TENT4B: variants seen among roughly 807,000 people sequenced by gnomAD.
TENT4B encodes PAP associated domain containing 5.
A neutral mutation model predicts 75.0 loss-of-function variants in TENT4B; 10 were observed. The observed-to-expected ratio is 0.13, with a 90% CI of 0.08 to 0.23. TENT4B has a LOEUF of 0.23. Among genes scored for constraint, TENT4B ranks in the 10% least tolerant of loss-of-function variants. The pLI, the probability that TENT4B is intolerant of heterozygous loss-of-function variation, is 1.00. For missense variants in TENT4B, 579 were observed against 893.8 expected (o/e 0.65, Z 4.49); for synonymous variants, 350 against 357.7 (o/e 0.98, Z 0.24).
chr16:50,167,735 G>T, intron 1 of TENT4B, among the ~76,000 whole-genome samples: 1 of 151,482 alleles, frequency 6.6e-6, no homozygotes, highest in South Asian at 2.1e-4. Flanking sequence ...TTGGCTTACT[G>T]CACCCTCTGC....
intron 1 of TENT4B, among the ~76,000 whole-genome samples, chr16:50,177,710 AT>A (rs1212886699): frequency 6.6e-6 from 1 of 151,170 alleles, no homozygotes; most frequent in East Asian, 1.9e-4. Flanking sequence ...TTCTCTATTA[AT>A]TTTGTTTTCA....
intron 1 of TENT4B, among the ~76,000 whole-genome samples, chr16:50,179,811 G>A (rs2038378006): frequency 6.6e-6 from 1 of 152,126 alleles, no homozygotes; most frequent in Non-Finnish European, 1.5e-5. Context: ...TCTGTAATGT[G>A]TCCTAGTGTG....
intron 5 of TENT4B, among the ~76,000 whole-genome samples, chr16:50,218,825 C>T (rs1053843401): frequency 2.6e-5 from 4 of 152,140 alleles, no homozygotes; most frequent in Non-Finnish European, 2.9e-5. Context: ...TAATTTGTCA[C>T]CATCATCTGT....
chr16:50,214,319 T>A, intron 3 of TENT4B, 52 bp downstream of exon 3: 7 of 1,411,448 alleles, frequency 5.0e-6, no homozygotes, highest in Non-Finnish European at 6.9e-6. Context: ...TGTATTCATT[T>A]TGGCTGTCAA....
chr16:50,164,395 C>T (rs191134812), intron 1 of TENT4B, among the ~76,000 whole-genome samples: 49 of 151,996 alleles, frequency 3.2e-4, no homozygotes, highest in African/African-American at 1.0e-3. Context: ...CTGCAAGCCC[C>T]GCCACCCAAG....
At position 50,223,252 on chromosome 16, in the gene TENT4B, C is replaced by T; in HGVS notation, c.1246C>T (p.Arg416Ter). 6.2e-7 allele frequency: 1 copy of T among 1,613,442 alleles called. No individual in the cohort carries two copies. Among genetic ancestry groups the T allele is most frequent in the Non-Finnish European group, 8.5e-7 (1 of 1,179,544 alleles). The change falls in exon 7 of 12, where the codon CGA (arginine) becomes TGA (stop). Residue 416 changes from arginine to a stop codon, truncating the protein, a stop_gained. Transcript: ENST00000561678. LOFTEE classifies it high-confidence loss of function. ...AATAGAATTTTTTGAATTATATGGACGACACTTCAATTATTTAAAGACTGG... is the reference window on the plus strand; with the variant it reads ...AATAGAATTTTTTGAATTATATGGATGACACTTCAATTATTTAAAGACTGG... ...LLIEFFELYG[R>*]HFNYLKTGIR...
intron 2 of TENT4B, among the ~76,000 whole-genome samples, chr16:50,211,747 C>T (rs1330997630): frequency 6.6e-6 from 1 of 152,068 alleles, no homozygotes. Context: ...AATCAAACCT[C>T]ATTGTTGTAG....
intron 2 of TENT4B, among the ~76,000 whole-genome samples, chr16:50,213,520 A>T (rs1414769540): frequency 6.6e-6 from 1 of 152,176 alleles, no homozygotes; most frequent in African/African-American, 2.4e-5. Context: ...CCTACAGTTA[A>T]AGTAGTCTGA....
chr16:50,234,379 CT>C lies in TENT4B; in HGVS notation c.*5053del, dbSNP rs2032386476. 1.0e-6 allele frequency: 1 copy of C among 985,406 alleles called. No individual in the cohort carries two copies. The highest frequency in any genetic ancestry group is 1.2e-6 in the Non-Finnish European group (1 of 829,954). The allele number at this position is 985,406 out of a possible 1,614,324, so 61.0% of individuals were successfully genotyped here. ...GCCAGCAACTTGGTGAAGTTCAGTA[CT>C]TGCCTCTTAGAGGTTAGGCCATGCC... On this transcript the variant is annotated 3_prime_UTR_variant, in exon 12 of 12. Transcript: ENST00000561678.
chr16:50,158,675 C>T (rs539882973), intron 1 of TENT4B, among the ~76,000 whole-genome samples: 2 of 152,262 alleles, frequency 1.3e-5, no homozygotes, highest in South Asian at 4.1e-4. Flanking sequence ...TTTCTGTTGG[C>T]TGTACTGCCA....
chr16:50,211,477 G>A lies in TENT4B; in HGVS notation c.762+31G>A, dbSNP rs949635001. 9 of 1,538,920 alleles carry A rather than the reference G, an allele frequency of 5.8e-6. No homozygotes were observed. In the African/African-American group the frequency reaches 7.1e-5, roughly 12 times the overall value. ...TCCCTTCCTGGGTAGCTTATGCTTC[G>A]GACAGTCCTTGTCCACGGGCTAGAA... On this transcript the variant is annotated intron_variant, in intron 2 of 11. Coordinates refer to ENST00000561678, the MANE Select transcript of TENT4B (RefSeq NM_001365324.3).
chr16:50,229,016 A>T, intron 11 of TENT4B, 136 bp from the exon 12 acceptor site: 1 of 1,475,072 alleles, frequency 6.8e-7, no homozygotes, highest in Non-Finnish European at 9.0e-7. Flanking sequence ...TGCCCACTAG[A>T]TAAGTCAGTG....
intron 5 of TENT4B, among the ~76,000 whole-genome samples, chr16:50,220,138 A>G (rs1159107714): frequency 1.3e-5 from 2 of 151,712 alleles, no homozygotes; most frequent in East Asian, 3.9e-4. Flanking sequence ...AGAGGCGCAC[A>G]CCACCACGCT....
rs1184803967 is a variant in TENT4B at position 50,233,138 on chromosome 16, T to TA, written c.*3811dup. On this transcript the variant is annotated 3_prime_UTR_variant, in exon 12 of 12. Coordinates refer to ENST00000561678, the MANE Select transcript of TENT4B (RefSeq NM_001365324.3). ...GAATATAAAAGTTATATTTAGTAGTTACTGTTGATAGTAATTTTCATCAGG... is the reference window on the plus strand; with the variant it reads ...GAATATAAAAGTTATATTTAGTAGTTAACTGTTGATAGTAATTTTCATCAGG... 3 of 982,370 alleles carry TA rather than the reference T, an allele frequency of 3.1e-6. No individual in the cohort carries two copies. Among genetic ancestry groups the TA allele is most frequent in the African/African-American group, 3.5e-5 (2 of 57,176 alleles). The allele number at this position is 982,370 out of a possible 1,614,324, so 60.9% of individuals were successfully genotyped here.
intron 1 of TENT4B, among the ~76,000 whole-genome samples, chr16:50,174,377 C>T (rs540128140): frequency 5.9e-5 from 9 of 152,286 alleles, no homozygotes; most frequent in Non-Finnish European, 1.3e-4. Flanking sequence ...AGATTACAGG[C>T]GTGAGCCACC....
At chr16:50,194,174 C>T (rs115658079) in intron 1 of TENT4B, among the ~76,000 whole-genome samples, 2,861 of 151,000 alleles carry the variant, frequency 0.019, 95 homozygotes, top group African/African-American at 0.067. Context: ...ATAGTATCTT[C>T]TCTCTCTTTT....
At chr16:50,196,493 TC>T (rs2030259325) in intron 1 of TENT4B, among the ~76,000 whole-genome samples, 1 of 144,638 alleles carries the variant, frequency 6.9e-6, no homozygotes, top group Non-Finnish European at 1.5e-5. Context: ...ATCATTATCA[TC>T]ATCATCATCA....
At position 50,234,429 on chromosome 16, in the gene TENT4B, G is replaced by T. The variant is rs1214114366; in HGVS notation, c.*5101G>T. The T allele has an allele frequency of 4.1e-6, 4 of 985,412 alleles. No homozygotes were observed. The highest frequency in any genetic ancestry group is 2.4e-6 in the Non-Finnish European group (2 of 829,934). The allele number at this position is 985,412 out of a possible 1,614,324, so 61.0% of individuals were successfully genotyped here. On this transcript the variant is annotated 3_prime_UTR_variant, in exon 12 of 12. Coordinates refer to ENST00000561678, the MANE Select transcript of TENT4B (RefSeq NM_001365324.3). ...CCTTTCAAAGAGAGTGAAATGATGG[G>T]TTATCAGCCACATTCTTGGAGTTAA...
Position 50,233,763 on chromosome 16 carries a change from G to T in TENT4B, c.*4435G>T. ...TTTATTGAGTTTAACCTTGTCTGTA[G>T]CCTAGTAGCCTGAAAGAAAAGGAGA... On this transcript the variant is annotated 3_prime_UTR_variant, in exon 12 of 12. Coordinates refer to ENST00000561678, the MANE Select transcript of TENT4B (RefSeq NM_001365324.3). The T allele has an allele frequency of 1.0e-6, 1 of 985,256 alleles. No homozygotes were observed. Among genetic ancestry groups the T allele is most frequent in the Non-Finnish European group, 1.2e-6 (1 of 829,910 alleles). The allele number at this position is 985,256 out of a possible 1,614,324, so 61.0% of individuals were successfully genotyped here.
Sources: gnomAD v4.1 joint callset for allele counts (sites outside exome capture counted in the v4.1 genomes callset) on GRCh38, gnomAD v4.1.1 for gene constraint, MANE v1.5 for transcripts, NCBI Gene and HGNC (gene_info 2026-07-23, HGNC 2026-07-21) for gene names.